Variants in SORCS3 observed in about 807,000 individuals in gnomAD.
The protein encoded by SORCS3 is VPS10 domain-containing receptor SorCS3.
SORCS3 carries 57 observed loss-of-function variants against 146.3 expected under a neutral mutation model. The ratio of observed to expected loss-of-function variants is 0.39; its 90% CI spans 0.31 to 0.49. The LOEUF (loss-of-function observed/expected upper bound fraction) is 0.49, where lower values mean the gene tolerates loss of function less well. SORCS3 is among the 20% of genes least tolerant of loss of function. The pLI, the probability that SORCS3 is intolerant of heterozygous loss-of-function variation, is 0.92. For synonymous variants in SORCS3, 653 were observed against 618.5 expected (o/e 1.06, Z -0.83); for missense variants, 1,341 against 1,575.5 (o/e 0.85, Z 2.52).
intron 3 of SORCS3, among the ~76,000 whole-genome samples, chr10:104,952,369 A>G (rs1392419718): frequency 6.6e-6 from 1 of 150,784 alleles, no homozygotes; most frequent in Non-Finnish European, 1.5e-5. Context: ...ACAGACCAGC[A>G]GCATTGGCTT....
intron 1 of SORCS3, among the ~76,000 whole-genome samples, chr10:104,693,910 T>G (rs2016143677): frequency 6.6e-6 from 1 of 152,178 alleles, no homozygotes; most frequent in South Asian, 2.1e-4. Context: ...TGGTAATTTA[T>G]TATAGGACAT....
chr10:104,900,762 C>T (rs2018843581), intron 2 of SORCS3, among the ~76,000 whole-genome samples: 1 of 151,870 alleles, frequency 6.6e-6, no homozygotes, highest in Non-Finnish European at 1.5e-5. Flanking sequence ...GCTGTGGTGG[C>T]ACGCACCTGT....
intron 18 of SORCS3, among the ~76,000 whole-genome samples, chr10:105,214,866 A>G (rs950483408): frequency 6.6e-6 from 1 of 152,188 alleles, no homozygotes; most frequent in Non-Finnish European, 1.5e-5. Context: ...ATCTGGATAT[A>G]TTCTTCAGGG....
chr10:105,045,790 A>G (rs756605708), intron 5 of SORCS3, among the ~76,000 whole-genome samples: 48 of 152,168 alleles, frequency 3.2e-4, no homozygotes, highest in Admixed American at 1.3e-4. Context: ...CAGATGTATC[A>G]AGTGGACACT....
At chr10:105,182,878 T>C (rs1382756992) in intron 14 of SORCS3, among the ~76,000 whole-genome samples, 2 of 152,054 alleles carry the variant, frequency 1.3e-5, no homozygotes, top group African/African-American at 4.8e-5. Flanking sequence ...AATTTTTGTA[T>C]TTTTTATAGA....
At chr10:104,869,942 T>A (rs2018501257) in intron 2 of SORCS3, among the ~76,000 whole-genome samples, 1 of 152,210 alleles carries the variant, frequency 6.6e-6, no homozygotes, top group South Asian at 2.1e-4. Context: ...GTTTCCTCAT[T>A]GTCAGAATGG....
At chr10:104,788,164 G>A (rs1372595873) in intron 1 of SORCS3, among the ~76,000 whole-genome samples, 2 of 152,208 alleles carry the variant, frequency 1.3e-5, no homozygotes, top group Non-Finnish European at 2.9e-5. Context: ...GAGTCTAGGT[G>A]AGGAAGGTGG....
intron 5 of SORCS3, among the ~76,000 whole-genome samples, chr10:105,070,630 C>CA (rs1282643062): frequency 1.3e-5 from 2 of 152,314 alleles, no homozygotes; most frequent in African/African-American, 4.8e-5. Context: ...ATTTTCTCTA[C>CA]AAATCACAGG....
intron 1 of SORCS3, among the ~76,000 whole-genome samples, chr10:104,804,193 T>G (rs1784957044): frequency 6.6e-6 from 1 of 152,228 alleles, no homozygotes; most frequent in African/African-American, 2.4e-5. Context: ...GATGAGCATC[T>G]CTAGAATGCG....
At chr10:105,215,536 G>C (rs1424145896) in intron 18 of SORCS3, among the ~76,000 whole-genome samples, 1 of 152,138 alleles carries the variant, frequency 6.6e-6, no homozygotes, top group Non-Finnish European at 1.5e-5. Context: ...GCAGGTGCTG[G>C]AATTAAAGGA....
At chr10:104,724,079 T>C (rs914505527) in intron 1 of SORCS3, among the ~76,000 whole-genome samples, 1 of 152,240 alleles carries the variant, frequency 6.6e-6, no homozygotes, top group Non-Finnish European at 1.5e-5. Flanking sequence ...CTCAATGGTC[T>C]TTACAATTTG....
chr10:105,241,129 G>A (rs1233650411), intron 20 of SORCS3, among the ~76,000 whole-genome samples: 6 of 151,914 alleles, frequency 3.9e-5, no homozygotes, highest in Admixed American at 3.9e-4. Flanking sequence ...AAATTCTTAG[G>A]GTTGCAGTTC....
Position 105,251,957 on chromosome 10 carries a change from A to G in SORCS3, c.3106-818A>G, listed in dbSNP as rs539375038. Among the ~76,000 whole-genome samples, 4 of 152,360 alleles carry G rather than the reference A, an allele frequency of 2.6e-5. No homozygotes were observed. The South Asian group carries it at 6.2e-4, about 24-fold the overall frequency. On this transcript the variant is annotated intron_variant, in intron 22 of 26. Transcript: ENST00000369701. ...GGAAATAGATTGGAATGCAGCTATC[A>G]TAAGTATTTTTCTATGTTGTCTCAT...
chr10:104,748,890 G>T (rs760498087), intron 1 of SORCS3, among the ~76,000 whole-genome samples: 10 of 152,020 alleles, frequency 6.6e-5, no homozygotes, highest in Non-Finnish European at 1.2e-4. Context: ...TCTCCTTCCG[G>T]GTCTCTACCA....
At chr10:104,803,084 T>G (rs1589504929) in intron 1 of SORCS3, among the ~76,000 whole-genome samples, 1 of 152,312 alleles carries the variant, frequency 6.6e-6, no homozygotes, top group East Asian at 1.9e-4. Flanking sequence ...CATTGTCACA[T>G]GCATGCTGAT....
chr10:105,039,451 C>CTTT (rs920662213), intron 4 of SORCS3, among the ~76,000 whole-genome samples: 3,472 of 96,520 alleles, frequency 0.036, 129 homozygotes, highest in Middle Eastern at 0.048. Context: ...CTCTCGCTCT[C>CTTT]TTTTTTTTTT....
chr10:104,666,121 C>A (rs2015773218), intron 1 of SORCS3: 1 of 152,206 alleles, frequency 6.6e-6, no homozygotes, highest in Admixed American at 6.5e-5. Context: ...AGAACTGGAA[C>A]TTTCCCTCTG....
At chr10:104,684,376 C>T (rs530487306) in intron 1 of SORCS3, among the ~76,000 whole-genome samples, 1 of 152,358 alleles carries the variant, frequency 6.6e-6, no homozygotes, top group South Asian at 2.1e-4. Context: ...GATTTGGTTG[C>T]ATTCTCTGGA....
intron 11 of SORCS3, 60 bp downstream of exon 11, chr10:105,159,054 CCT>C (rs773267000): frequency 1.0e-5 from 13 of 1,281,690 alleles, no homozygotes; most frequent in Non-Finnish European, 1.3e-5. Context: ...AAATTTGTCA[CCT>C]CTTTTTGGAT....
Sources: allele counts gnomAD v4.1 joint callset (sites outside exome capture counted in the v4.1 genomes callset), GRCh38; gene constraint gnomAD v4.1.1; transcripts MANE v1.5; gene names NCBI Gene and HGNC (gene_info 2026-07-23, HGNC 2026-07-21).